The following BCL2 variants were observed in gnomAD, a reference collection of about 807,000 sequenced individuals.
The protein encoded by BCL2 is BCL2 apoptosis regulator.
BCL2 carries 1 observed loss-of-function variant against 14.2 expected under a neutral mutation model. That is an observed-to-expected ratio of 0.07 (90% CI 0.02 to 0.33). The LOEUF is 0.33. Ranked by LOEUF, BCL2 falls within the 10% of genes least tolerant of loss-of-function variation. The probability of loss-of-function intolerance (pLI) is 0.99; values close to 1 mark genes in which losing one functional copy is unlikely to be tolerated. For synonymous variants in BCL2, 151 were observed against 137.2 expected (o/e 1.10, Z -0.70); for missense variants, 247 against 305.9 (o/e 0.81, Z 1.44).
chr18:63,220,935 GA>G (rs1168260071), intron 2 of BCL2, among the ~76,000 whole-genome samples: 1 of 152,106 alleles, frequency 6.6e-6, no homozygotes, highest in African/African-American at 2.4e-5. Context: ...TTCAAGAAGA[GA>G]AAAACACAAC....
chr18:63,295,150 C>T (rs1035536231), intron 2 of BCL2, among the ~76,000 whole-genome samples: 7 of 151,256 alleles, frequency 4.6e-5, no homozygotes, highest in Non-Finnish European at 7.4e-5. Context: ...GGAGACAGAG[C>T]GAGACTCCAT....
At chr18:63,129,386 C>G (rs1267075987) in intron 2 of BCL2, among the ~76,000 whole-genome samples, 1 of 151,576 alleles carries the variant, frequency 6.6e-6, no homozygotes, top group Admixed American at 6.6e-5. Context: ...AACTGTTGGA[C>G]TCAAGAGTGA....
intron 2 of BCL2, among the ~76,000 whole-genome samples, chr18:63,171,028 T>C (rs1488189455): frequency 6.6e-6 from 1 of 152,236 alleles, no homozygotes; most frequent in African/African-American, 2.4e-5. Flanking sequence ...ATAATGCTAG[T>C]AAAATATATA....
intron 2 of BCL2, among the ~76,000 whole-genome samples, chr18:63,266,262 T>C (rs1258782771): frequency 6.6e-6 from 1 of 151,904 alleles, no homozygotes; most frequent in East Asian, 1.9e-4. Context: ...TCTTAATATA[T>C]TGATATGGAA....
At chr18:63,217,063 C>T (rs1191529214) in intron 2 of BCL2, among the ~76,000 whole-genome samples, 1 of 152,146 alleles carries the variant, frequency 6.6e-6, no homozygotes, top group Non-Finnish European at 1.5e-5. Context: ...TGCCAACCAC[C>T]AGATTTTATG....
intron 2 of BCL2, among the ~76,000 whole-genome samples, chr18:63,292,864 C>T (rs977401710): frequency 6.6e-6 from 1 of 152,248 alleles, no homozygotes. Flanking sequence ...CTGCCAACTG[C>T]AGTAGGCACG....
chr18:63,297,085 C>T (rs1219856810), intron 2 of BCL2, among the ~76,000 whole-genome samples: 11 of 151,988 alleles, frequency 7.2e-5, no homozygotes, highest in South Asian at 2.1e-4. Flanking sequence ...TGGTGGCGGG[C>T]GCCTGTAGTC....
At chr18:63,132,781 T>C (rs1914103545) in intron 2 of BCL2, among the ~76,000 whole-genome samples, 2 of 152,250 alleles carry the variant, frequency 1.3e-5, no homozygotes, top group South Asian at 4.1e-4. Flanking sequence ...TCTGTCATTA[T>C]TTGTTTGAGT....
chr18:63,195,297 A>G (rs1290020423), intron 2 of BCL2, among the ~76,000 whole-genome samples: 2 of 152,234 alleles, frequency 1.3e-5, no homozygotes, highest in Non-Finnish European at 2.9e-5. Flanking sequence ...TCCTCACTTC[A>G]GAAGTCCCAT....
At chr18:63,310,421 C>T (rs1323229756) in intron 2 of BCL2, among the ~76,000 whole-genome samples, 1 of 152,210 alleles carries the variant, frequency 6.6e-6, no homozygotes, top group Non-Finnish European at 1.5e-5. Flanking sequence ...TATCGCCTGC[C>T]TGTTCTCTAA....
intron 2 of BCL2, among the ~76,000 whole-genome samples, chr18:63,133,319 A>ATTTTTTTTTTTTTTTTT (rs34022610): frequency 9.7e-6 from 1 of 103,372 alleles, no homozygotes; most frequent in Non-Finnish European, 1.9e-5. Context: ...ACCTTCAAGA[A>ATTTTTTTTTTTTTTTTT]TTTTTTTTTT....
chr18:63,140,933 G>A (rs1914339857), intron 2 of BCL2, among the ~76,000 whole-genome samples: 1 of 152,194 alleles, frequency 6.6e-6, no homozygotes, highest in African/African-American at 2.4e-5. Flanking sequence ...CAAGTGTAAT[G>A]AGGAATGAGA....
intron 2 of BCL2, among the ~76,000 whole-genome samples, chr18:63,169,351 T>C (rs1915152787): frequency 1.6e-5 from 1 of 61,014 alleles, no homozygotes; most frequent in South Asian, 6.9e-4. Flanking sequence ...CTTTCTTTCT[T>C]TCTTTCTTTC....
intron 2 of BCL2, among the ~76,000 whole-genome samples, chr18:63,253,642 C>A (rs1183497090): frequency 2.0e-5 from 3 of 152,114 alleles, no homozygotes; most frequent in African/African-American, 2.4e-5. Flanking sequence ...TCTACTAGAA[C>A]AATTTGATTA....
At chr18:63,217,960 G>C (rs796520557) in intron 2 of BCL2, among the ~76,000 whole-genome samples, 25 of 152,252 alleles carry the variant, frequency 1.6e-4, no homozygotes, top group African/African-American at 4.6e-4. Context: ...TCACAGAGTT[G>C]AGTTCAGAAA....
intron 2 of BCL2, among the ~76,000 whole-genome samples, chr18:63,238,805 G>A (rs1409660035): frequency 3.9e-5 from 6 of 152,202 alleles, no homozygotes; most frequent in Non-Finnish European, 8.8e-5. Flanking sequence ...TTGGGCTCAG[G>A]GAGCGGAAGG....
chr18:63,201,173 A>G (rs749706753), intron 2 of BCL2, among the ~76,000 whole-genome samples: 1 of 152,216 alleles, frequency 6.6e-6, no homozygotes, highest in African/African-American at 2.4e-5. Flanking sequence ...TCTTAACCGC[A>G]GGCTGAATTG....
chr18:63,223,668 C>T (rs1910467088), intron 2 of BCL2, among the ~76,000 whole-genome samples: 1 of 152,226 alleles, frequency 6.6e-6, no homozygotes, highest in Non-Finnish European at 1.5e-5. Context: ...ATCTTGCAGC[C>T]AGGAGTCTGG....
chr18:63,152,871 C>A (rs1444043112), intron 2 of BCL2, among the ~76,000 whole-genome samples: 19 of 152,222 alleles, frequency 1.2e-4, no homozygotes, highest in Admixed American at 1.2e-3. Flanking sequence ...GGTCCTTCAG[C>A]GGAGACTACA....
Sources: gnomAD v4.1 joint callset for allele counts (sites outside exome capture counted in the v4.1 genomes callset) on GRCh38, gnomAD v4.1.1 for gene constraint, MANE v1.5 for transcripts, NCBI Gene and HGNC (gene_info 2026-07-23, HGNC 2026-07-21) for gene names.